Variants in LRP2 observed in about 807,000 individuals in gnomAD.
LRP2 encodes low-density lipoprotein receptor-related protein 2.
LRP2 carries 172 observed loss-of-function variants against 531.0 expected under a neutral mutation model. The observed-to-expected ratio is 0.32, with a 90% CI of 0.29 to 0.37. The LOEUF (loss-of-function observed/expected upper bound fraction) is 0.37. Among genes scored for constraint, LRP2 ranks in the 10% least tolerant of loss-of-function variants. LRP2 has a pLI of 1.00. For synonymous variants in LRP2, 1,992 were observed against 2,027.6 expected (o/e 0.98, Z 0.47); for missense variants, 5,167 against 5,868.3 (o/e 0.88, Z 3.90).
At position 169,259,189 on chromosome 2, in the gene LRP2, C is replaced by T. The variant is rs757811916; in HGVS notation, c.2349G>A (p.Val783=). 10 of 1,613,032 alleles carry T rather than the reference C, an allele frequency of 6.2e-6. No individual in the cohort carries two copies. The East Asian group carries it at 2.2e-4, about 36-fold the overall frequency. ...CAAAAGCCAAACTTTCAACATTTTC[C>T]ACCCTGTTAGCTGCGAGAATTTCTC... ...TGREILAANR[V]ENVESLAFDW... Residue 783 remains valine, a synonymous_variant, in exon 17 of 79, where the codon GTG becomes GTA. Transcript: ENST00000649046.
At chr2:169,275,874 T>C (rs1159014270) in intron 13 of LRP2, among the ~76,000 whole-genome samples, 1 of 151,836 alleles carries the variant, frequency 6.6e-6, no homozygotes, top group Non-Finnish European at 1.5e-5. Context: ...AGAAGTAAAA[T>C]TAGGCACTAA....
intron 1 of LRP2, among the ~76,000 whole-genome samples, chr2:169,322,246 G>T (rs1205507224): frequency 1.3e-5 from 2 of 152,156 alleles, no homozygotes; most frequent in African/African-American, 4.8e-5. Flanking sequence ...CATATCAACA[G>T]CATGACATAA....
chr2:169,214,114 T>G (rs149313132), intron 35 of LRP2, among the ~76,000 whole-genome samples: 26 of 152,198 alleles, frequency 1.7e-4, no homozygotes, highest in Middle Eastern at 3.4e-3. Context: ...GTCAACCTTT[T>G]CAGGTGGCAC....
intron 16 of LRP2, among the ~76,000 whole-genome samples, chr2:169,263,495 A>G (rs1690658298): frequency 6.6e-6 from 1 of 151,274 alleles, no homozygotes; most frequent in African/African-American, 2.4e-5. Context: ...ACATGAAAAA[A>G]TGCTCACCAT....
rs1688428521 is a variant in LRP2 at position 169,207,246 on chromosome 2, A to T, written c.6474T>A (p.Asn2158Lys). Reference protein sequence around the residue: ...RGIAVDWVAGNLYFTNAFVSE... With the variant: ...RGIAVDWVAGKLYFTNAFVSE... ...AAACAAAGGCATTGGTGAAATAAAG[A>T]TTTCCTATGGGAAAAATGAAAGTGC... The change falls in exon 39 of 79, where the codon AAT (asparagine) becomes AAA (lysine). Residue 2158 changes from asparagine to lysine, a missense_variant. Asn to Lys is a moderately conservative substitution (Grantham distance 94, BLOSUM62 0). Coordinates refer to ENST00000649046, the MANE Select transcript of LRP2 (RefSeq NM_004525.3). The T allele has an allele frequency of 1.2e-5, 20 of 1,613,060 alleles. No individual in the cohort carries two copies. In the East Asian group the frequency reaches 3.6e-4, roughly 29 times the overall value.
Position 169,241,182 on chromosome 2 carries a change from A to T in LRP2, c.3851T>A (p.Ile1284Asn). The T allele has an allele frequency of 6.2e-7, 1 of 1,614,166 alleles. No homozygotes were observed. Among genetic ancestry groups the T allele is most frequent in the Non-Finnish European group, 8.5e-7 (1 of 1,180,010 alleles). The change falls in exon 25 of 79, where the codon ATC becomes AAC. Residue 1284 changes from isoleucine to asparagine, a missense_variant. Physicochemically the swap from Ile to Asn is moderately radical, Grantham distance 149. Coordinates refer to ENST00000649046, the MANE Select transcript of LRP2 (RefSeq NM_004525.3). ...SYFHCDNGNC[I>N]HRAWLCDRDN... ...CCGATCACAGAGCCATGCCCTGTGGATGCAGTTTCCGTTGTCACAGTGGAA... is the reference window on the plus strand; with the variant it reads ...CCGATCACAGAGCCATGCCCTGTGGTTGCAGTTTCCGTTGTCACAGTGGAA...
In LRP2 at chr2:169,235,981, G is replaced by A. The variant is rs540796253; in HGVS notation, c.4779C>T (p.Val1593=). ...SMDGSMRTVI[V]QDKIFWPCGL... ...CGCAGGGCCAGAAGATCTTGTCCTG[G>A]ACAATGACAGTGCGCATGCTGCCGT... is the stretch of plus-strand genomic sequence containing the variant. The change falls in exon 29 of 79, where the codon GTC becomes GTT. Residue 1593 remains valine (V), a synonymous_variant. Transcript: ENST00000649046. 4 of 1,614,214 alleles carry A rather than the reference G, an allele frequency of 2.5e-6. 1 individual carries two copies. In the South Asian group the frequency reaches 4.4e-5, roughly 18 times the overall value.
At chr2:169,173,260 G>C in intron 56 of LRP2, 36 bp from the exon 57 acceptor site, 1 of 1,613,364 alleles carries the variant, frequency 6.2e-7, no homozygotes, top group Non-Finnish European at 8.5e-7. Context: ...CAGAACTGAA[G>C]GTACAAGAAA....
At position 169,247,512 on chromosome 2, in the gene LRP2, T is replaced by C; in HGVS notation, c.2774A>G (p.His925Arg). The C allele has an allele frequency of 2.5e-6, 4 of 1,614,084 alleles. No individual in the cohort carries two copies. The highest frequency in any genetic ancestry group is 3.4e-6 in the Non-Finnish European group (4 of 1,179,994). The change falls in exon 20 of 79, where the codon CAT (histidine) becomes CGT (arginine). Residue 925 changes from histidine (H) to arginine (R), a missense_variant. Physicochemically the swap from His to Arg is conservative, Grantham distance 29 (BLOSUM62 0). Coordinates refer to ENST00000649046, the MANE Select transcript of LRP2 (RefSeq NM_004525.3). The stretch of plus-strand genomic sequence containing the variant: ...CAGTCTCCAGTCAGTAAAAAATAAA[T>C]GCTCTGAAAAGAAACATGGGTAGAT... The part of the protein sequence containing the change: ...HPFGLAIFGE[H>R]LFFTDWRLGA...
chr2:169,179,978 G>C, intron 52 of LRP2, among the ~76,000 whole-genome samples: 1 of 151,918 alleles, frequency 6.6e-6, no homozygotes, highest in Non-Finnish European at 1.5e-5. Flanking sequence ...AAAATCTACT[G>C]CCTAAATTTT....
chr2:169,167,341 A>G (rs945961330), intron 61 of LRP2, among the ~76,000 whole-genome samples: 20 of 152,166 alleles, frequency 1.3e-4, no homozygotes, highest in African/African-American at 4.6e-4. Context: ...TCACAAGTCA[A>G]ATCTCTGGGC....
intron 1 of LRP2, among the ~76,000 whole-genome samples, chr2:169,332,756 C>T (rs1264836684): frequency 2.0e-5 from 3 of 152,120 alleles, no homozygotes; most frequent in Non-Finnish European, 4.4e-5. Flanking sequence ...TGCACATACA[C>T]ATATATATAC....
At chr2:169,347,958 G>T (rs575576945) in intron 1 of LRP2, among the ~76,000 whole-genome samples, 1 of 152,122 alleles carries the variant, frequency 6.6e-6, no homozygotes, top group African/African-American at 2.4e-5. Context: ...ATTTGATTAC[G>T]TACAGAGGAC....
chr2:169,286,316 T>C (rs889128401), intron 9 of LRP2, among the ~76,000 whole-genome samples: 1 of 152,198 alleles, frequency 6.6e-6, no homozygotes, highest in African/African-American at 2.4e-5. Context: ...TGTACTAAAG[T>C]CCCAGAAACG....
intron 68 of LRP2, among the ~76,000 whole-genome samples, chr2:169,147,388 T>C (rs1685955739): frequency 6.6e-6 from 1 of 152,106 alleles, no homozygotes; most frequent in African/African-American, 2.4e-5. Context: ...AGCGACATAA[T>C]CATAGCTCAC....
intron 3 of LRP2, among the ~76,000 whole-genome samples, chr2:169,313,209 A>G (rs1684665600): frequency 6.6e-6 from 1 of 151,904 alleles, no homozygotes; most frequent in Non-Finnish European, 1.5e-5. Context: ...TCTTCTCTCA[A>G]CTCTCAAAGT....
At chr2:169,320,413 A>G (rs1271848944) in intron 2 of LRP2, among the ~76,000 whole-genome samples, 3 of 152,206 alleles carry the variant, frequency 2.0e-5, no homozygotes, top group Non-Finnish European at 4.4e-5. Context: ...TTCAGATAAC[A>G]TTATTTTTTG....
At chr2:169,327,630 G>T (rs1420993050) in intron 1 of LRP2, among the ~76,000 whole-genome samples, 2 of 96,752 alleles carry the variant, frequency 2.1e-5, no homozygotes, top group African/African-American at 8.5e-5. Context: ...CCCCTCTGCC[G>T]GGCCAGCCAC....
chr2:169,231,255 T>C (rs1689387481), intron 31 of LRP2, among the ~76,000 whole-genome samples: 2 of 147,090 alleles, frequency 1.4e-5, no homozygotes, highest in African/African-American at 5.1e-5. Context: ...GATTACGCCA[T>C]TGCACTACAG....
Sources: gnomAD v4.1 joint callset for allele counts (sites outside exome capture counted in the v4.1 genomes callset) on GRCh38, gnomAD v4.1.1 for gene constraint, MANE v1.5 for transcripts, NCBI Gene and HGNC (gene_info 2026-07-23, HGNC 2026-07-21) for gene names.